Variants in CCDC88A observed in about 807,000 individuals in gnomAD.
CCDC88A encodes the protein girdin.
A neutral mutation model predicts 234.3 loss-of-function variants in CCDC88A; 54 were observed. That is an observed-to-expected ratio of 0.23 (90% CI 0.19 to 0.29). The LOEUF is 0.29. CCDC88A is among the 10% of genes least tolerant of loss of function. CCDC88A has a pLI of 1.00. For missense variants in CCDC88A, 1,832 were observed against 2,123.4 expected (o/e 0.86, Z 2.70); for synonymous variants, 753 against 737.8 (o/e 1.02, Z -0.33).
chr2:55,364,782 A>G (rs1298209870), intron 5 of CCDC88A, among the ~76,000 whole-genome samples: 1 of 152,154 alleles, frequency 6.6e-6, no homozygotes, highest in Non-Finnish European at 1.5e-5. Flanking sequence ...CAGCATTAAC[A>G]ATTTAACATG....
intron 2 of CCDC88A, among the ~76,000 whole-genome samples, chr2:55,391,734 G>A (rs1177213175): frequency 6.6e-6 from 1 of 152,086 alleles, no homozygotes; most frequent in Non-Finnish European, 1.5e-5. Context: ...ATGGAGAAGA[G>A]GGGAGAAAAA....
rs181278865 is a variant in CCDC88A at position 55,327,525 on chromosome 2, A to G, written c.2997+769T>C. Among the ~76,000 whole-genome samples, 3 of 152,334 alleles carry G rather than the reference A, an allele frequency of 2.0e-5. No homozygotes were observed. In the East Asian group the frequency reaches 5.8e-4, roughly 29 times the overall value. ...AGATGATTCTCAGACAACTACGTGA[A>G]GAGGATGGACTGACACTGCCCTGCT... is the stretch of plus-strand genomic sequence containing the variant. On this transcript the variant is annotated intron_variant, in intron 17 of 32. Transcript: ENST00000436346.
At chr2:55,345,805 T>TAATTTAGTGATCTC (rs1468396299) in intron 10 of CCDC88A, 1 of 158,240 alleles carries the variant, frequency 6.3e-6, no homozygotes, top group Non-Finnish European at 1.4e-5. Context: ...TCATTAATCT[T>TAATTTAGTGATCTC]AATTTAGTGA....
chr2:55,378,530 TAA>T (rs1446015380), intron 3 of CCDC88A, among the ~76,000 whole-genome samples: 1 of 152,086 alleles, frequency 6.6e-6, no homozygotes, highest in African/African-American at 2.4e-5. Context: ...GAAACAAAAG[TAA>T]AAAGTTTCAA....
chr2:55,416,593 T>C (rs1681524190), intron 2 of CCDC88A, among the ~76,000 whole-genome samples: 1 of 149,590 alleles, frequency 6.7e-6, no homozygotes, highest in Non-Finnish European at 1.5e-5. Context: ...ACAAGAAACA[T>C]GGAAAATATA....
chr2:55,314,374 T>G (rs1349269218), intron 22 of CCDC88A: 1 of 152,260 alleles, frequency 6.6e-6, no homozygotes, highest in African/African-American at 2.4e-5. Flanking sequence ...AATAGACAAC[T>G]GATAAAGCAT....
chr2:55,372,506 T>A lies in CCDC88A; in HGVS notation c.348A>T (p.Gln116His). Residue 116 changes from glutamine (Q) to histidine (H), a missense_variant, in exon 5 of 33, where the codon CAA becomes CAT. Gln to His is a conservative substitution (Grantham distance 24). Transcript: ENST00000436346. The part of the protein sequence containing the change: ...LIIGKNPFSE[Q>H]GTEEVKKLLL... ...GCAGTTTTTTAACTTCTTCTGTGCC[T>A]TGTTCTAAAATAGAAACAATTATTA... The A allele has an allele frequency of 6.8e-7, 1 of 1,480,384 alleles. No individual in the cohort carries two copies. Among genetic ancestry groups the A allele is most frequent in the Non-Finnish European group, 9.4e-7 (1 of 1,063,838 alleles). 91.7% of individuals were successfully genotyped at this position (1,480,384 alleles called of 1,614,324 possible).
intron 2 of CCDC88A, among the ~76,000 whole-genome samples, chr2:55,416,140 GA>G (rs1400999663): frequency 3.3e-5 from 5 of 151,820 alleles, no homozygotes; most frequent in African/African-American, 1.2e-4. Flanking sequence ...ATATGTTCAA[GA>G]AGCTAGAGAA....
At chr2:55,363,460 TG>T (rs1431326964) in intron 6 of CCDC88A, among the ~76,000 whole-genome samples, 1 of 151,960 alleles carries the variant, frequency 6.6e-6, no homozygotes, top group Non-Finnish European at 1.5e-5. Context: ...TTCAATTATT[TG>T]ACACTGCACA....
chr2:55,398,825 A>G (rs967309555), intron 2 of CCDC88A, among the ~76,000 whole-genome samples: 1 of 151,348 alleles, frequency 6.6e-6, no homozygotes, highest in African/African-American at 2.4e-5. Flanking sequence ...TGATTATACC[A>G]TCGCACTCCC....
intron 25 of CCDC88A, among the ~76,000 whole-genome samples, chr2:55,303,781 G>A (rs961778896): frequency 6.6e-6 from 1 of 152,154 alleles, no homozygotes; most frequent in African/African-American, 2.4e-5. Context: ...TAGTTAAGTC[G>A]TAAAGGTAAA....
At position 55,288,440 on chromosome 2, in the gene CCDC88A, T is replaced by C. The variant is rs573745782; in HGVS notation, c.*2760A>G. The stretch of plus-strand genomic sequence containing the variant: ...ATTTAGTATACATTATTACTCCCCA[T>C]TGTAATTCCAGATTTGGTACAGTAT... On this transcript the variant is annotated 3_prime_UTR_variant, in exon 33 of 33. Coordinates refer to ENST00000436346, the MANE Select transcript of CCDC88A (RefSeq NM_001365480.1). 1.3e-5 allele frequency: 2 copies of C among 152,770 alleles called. No individual in the cohort carries two copies. Among genetic ancestry groups the C allele is most frequent in the South Asian group, 4.1e-4 (2 of 4,824 alleles). 9.5% of individuals were successfully genotyped at this position (152,770 alleles called of 1,614,324 possible).
chr2:55,311,116 G>A (rs1024121407), intron 23 of CCDC88A, among the ~76,000 whole-genome samples: 1 of 152,164 alleles, frequency 6.6e-6, no homozygotes, highest in Non-Finnish European at 1.5e-5. Flanking sequence ...TTTGGATAAT[G>A]CCTCTGCTTA....
intron 25 of CCDC88A, chr2:55,308,186 C>T (rs1465858572): frequency 2.6e-5 from 4 of 152,360 alleles, no homozygotes; most frequent in Non-Finnish European, 2.9e-5. Flanking sequence ...CTGCCCACCT[C>T]GGTCCCCCAA....
rs191498555 is a variant in CCDC88A at position 55,288,280 on chromosome 2, G to C, written c.*2920C>G. The C allele has an allele frequency of 6.6e-6, 1 of 152,480 alleles. No homozygotes were observed. The highest frequency in any genetic ancestry group is 1.5e-5 in the Non-Finnish European group (1 of 68,012). 9.4% of individuals were successfully genotyped at this position (152,480 alleles called of 1,614,324 possible). A position where few individuals can be genotyped will look rare whatever the true frequency, so the allele number is the denominator to read the frequency against. On this transcript the variant is annotated 3_prime_UTR_variant, in exon 33 of 33. Coordinates refer to ENST00000436346, the MANE Select transcript of CCDC88A (RefSeq NM_001365480.1). ...CAAATATCTCAACATGTACATCAAG[G>C]TTTATATTATAAAATGGGCTCCTTT...
At chr2:55,313,693 A>T (rs1682616337) in intron 22 of CCDC88A, 1 of 152,130 alleles carries the variant, frequency 6.6e-6, no homozygotes. Context: ...AAAAAGCAAA[A>T]GCAAATAACA....
intron 2 of CCDC88A, among the ~76,000 whole-genome samples, chr2:55,390,468 G>A (rs1545555): frequency 0.55 from 83,819 of 151,968 alleles, 24,554 homozygotes; most frequent in Admixed American, 0.65. Flanking sequence ...AACCACTTAC[G>A]CTGAGATTAC....
Position 55,346,339 on chromosome 2 carries a change from C to A in CCDC88A, c.883-6G>T. Reference sequence around the variant, plus strand: ...TCCGAAAGCAAATTCATGTTCTAAACAAAAATTTAAAATTATATTTTAATT... The same window carrying A: ...TCCGAAAGCAAATTCATGTTCTAAAAAAAAATTTAAAATTATATTTTAATT... On this transcript the variant is annotated splice_region_variant and splice_polypyrimidine_tract_variant and intron_variant, in intron 9 of 32. Transcript: ENST00000436346. The A allele has an allele frequency of 1.3e-6, 2 of 1,540,258 alleles. No individual in the cohort carries two copies. The highest frequency in any genetic ancestry group is 1.3e-5 in the South Asian group (1 of 78,956).
At chr2:55,353,453 T>C (rs1468681476) in intron 8 of CCDC88A, among the ~76,000 whole-genome samples, 1 of 152,146 alleles carries the variant, frequency 6.6e-6, no homozygotes, top group Non-Finnish European at 1.5e-5. Context: ...AGATACATAA[T>C]AATGCAGACA....
Sources: allele counts gnomAD v4.1 joint callset (sites outside exome capture counted in the v4.1 genomes callset), GRCh38; gene constraint gnomAD v4.1.1; transcripts MANE v1.5; gene names NCBI Gene and HGNC (gene_info 2026-07-23, HGNC 2026-07-21).